PASK: variants seen among roughly 807,000 people sequenced by gnomAD.
PASK encodes the protein PAS domain containing serine/threonine kinase.
A neutral mutation model predicts 121.0 loss-of-function variants in PASK; 110 were observed. The ratio of observed to expected loss-of-function variants is 0.91; its 90% CI spans 0.78 to 1.06. The LOEUF (loss-of-function observed/expected upper bound fraction) is 1.06, where lower values mean the gene tolerates loss of function less well. PASK is among the 50% of genes least tolerant of loss of function. The probability of loss-of-function intolerance (pLI) is 0.00; values close to 1 mark genes in which losing one functional copy is unlikely to be tolerated. For synonymous variants in PASK, 686 were observed against 717.8 expected, an observed-to-expected ratio of 0.96 and a Z score of 0.71; for missense variants, 1,643 against 1,702.3, an observed-to-expected ratio of 0.97 and a Z score of 0.61.
intron 15 of PASK, among the ~76,000 whole-genome samples, chr2:241,110,105 A>G (rs1044143053): frequency 6.6e-6 from 1 of 152,254 alleles, no homozygotes; most frequent in Non-Finnish European, 1.5e-5. Flanking sequence ...TATCCAGAAA[A>G]CGCAATCAAA....
rs577891875 is a variant in PASK, at chr2:241,138,137, G to A, written c.742-50C>T. 4.1e-5 allele frequency: 66 copies of A among 1,602,288 alleles called. 1 individual carries two copies. The South Asian group carries it at 7.0e-4, about 17-fold the overall frequency. The stretch of plus-strand genomic sequence containing the variant: ...CATAAAAGCTTCTTGTGCTCCAGCT[G>A]TAAATTTAACTAAGCTTCAATATGT... On this transcript the variant is annotated intron_variant, in intron 5 of 17. Coordinates refer to ENST00000234040, the MANE Select transcript of PASK (RefSeq NM_015148.4).
At chr2:241,129,002 TCTCC>T (rs1215901556) in intron 9 of PASK, among the ~76,000 whole-genome samples, 2 of 117,868 alleles carry the variant, frequency 1.7e-5, no homozygotes, top group African/African-American at 3.1e-5. Context: ...TGCCTGCCTC[TCTCC>T]CTCCATGTCT....
At chr2:241,124,278 C>G (rs2065754570) in intron 10 of PASK, 145 bp from the exon 11 acceptor site, 2 of 720,706 alleles carry the variant, frequency 2.8e-6, no homozygotes, top group Non-Finnish European at 2.4e-6. Flanking sequence ...AGAACACAGA[C>G]CAGAGAGCAG....
At chr2:241,130,212 G>A (rs969082328) in intron 9 of PASK, among the ~76,000 whole-genome samples, 5 of 152,198 alleles carry the variant, frequency 3.3e-5, no homozygotes, top group Admixed American at 2.0e-4. Context: ...ATAAGCGAAC[G>A]AGTGAGTGAA....
chr2:241,117,173 G>A (rs1448243904), intron 12 of PASK, among the ~76,000 whole-genome samples: 1 of 152,222 alleles, frequency 6.6e-6, no homozygotes, highest in Non-Finnish European at 1.5e-5. Context: ...GCAACATCCA[G>A]GCCTCTCACC....
chr2:241,139,864 G>A lies in PASK; in HGVS notation c.600+21C>T, dbSNP rs77817979. 2,207 of 1,612,466 alleles carry A rather than the reference G, an allele frequency of 1.4e-3. 1 individual carries two copies. Among genetic ancestry groups the A allele is most frequent in the Non-Finnish European group, 1.6e-3 (1,895 of 1,178,810 alleles). ...TGCTGGTCTTGAGGCCAGACTGAAC[G>A]CTGCACCCGCATCCACTCACCACCG... On this transcript the variant is annotated intron_variant, in intron 4 of 17. Transcript: ENST00000234040.
upstream of PASK, chr2:241,150,283 C>T (rs1575371268): frequency 3.8e-6 from 5 of 1,318,616 alleles, no homozygotes; most frequent in East Asian, 1.2e-4. Flanking sequence ...ACTGTTCCGG[C>T]TCCGCCGCCT....
intron 16 of PASK, 142 bp from the exon 17 acceptor site, chr2:241,107,641 C>A: frequency 2.6e-6 from 2 of 769,602 alleles, no homozygotes; most frequent in Non-Finnish European, 4.6e-6. Flanking sequence ...CAGGGCCCAG[C>A]TGTGCTTGGA....
Position 241,137,008 on chromosome 2 carries a change from C to T in PASK, c.1133G>A (p.Gly378Asp). The T allele has an allele frequency of 6.2e-7, 1 of 1,612,814 alleles. No homozygotes were observed. The highest frequency in any genetic ancestry group is 8.5e-7 in the Non-Finnish European group (1 of 1,179,896). Residue 378 changes from glycine to aspartate, a missense_variant, in exon 7 of 18, where the codon GGC (glycine) becomes GAC (aspartate). Transcript: ENST00000234040. ...LFGYGKTELL[G>D]KNITFLIPGF... ...AGGCGCCCAGGGCAGCCCCACCTTGCCCAGGAGCTCCGTCTTTCCGTAACC... is the reference window on the plus strand; with the variant it reads ...AGGCGCCCAGGGCAGCCCCACCTTGTCCAGGAGCTCCGTCTTTCCGTAACC...
In PASK at chr2:241,115,428, G is replaced by A. The variant is rs771466312; in HGVS notation, c.3073-15C>T. 4.2e-5 allele frequency: 68 copies of A among 1,613,688 alleles called. No individual in the cohort carries two copies. Among genetic ancestry groups the A allele is most frequent in the Non-Finnish European group, 5.7e-5 (67 of 1,179,762 alleles). On this transcript the variant is annotated splice_polypyrimidine_tract_variant and intron_variant, in intron 12 of 17. Coordinates refer to ENST00000234040, the MANE Select transcript of PASK (RefSeq NM_015148.4). ...TTCACCACCACCTGTGAGGAAGACA[G>A]AGCGTAGTGGAAATAGCTGGAGCCA...
Position 241,106,463 on chromosome 2 carries a change from G to A in PASK, c.*103C>T, listed in dbSNP as rs1214679242. ...AAACCTGCACATGAGTTTTTAGAAG[G>A]TGAATTGGGGATGCTTCAGAATGTA... On this transcript the variant is annotated 3_prime_UTR_variant, in exon 18 of 18. Transcript: ENST00000234040. 3 of 1,186,470 alleles carry A rather than the reference G, an allele frequency of 2.5e-6. No individual in the cohort carries two copies. In the African/African-American group the frequency reaches 4.5e-5, roughly 18 times the overall value. The allele number at this position is 1,186,470 out of a possible 1,614,324, so 73.5% of individuals were successfully genotyped here. A position where few individuals can be genotyped will look rare whatever the true frequency, so the allele number is the denominator to read the frequency against.
Position 241,112,205 on chromosome 2 carries a change from C to G in PASK, c.3533+35G>C. On this transcript the variant is annotated intron_variant, in intron 15 of 17. Transcript: ENST00000234040. This position sits in a 1 kb window ranked among gnomAD's most constrained non-coding sequence, Gnocchi z 5.2. ...CCACCCTCAGGGTCCTGACAGAGGA[C>G]ACGAGGACGGGCCGCACCGCAGCCG... 1 of 1,538,288 alleles carries G rather than the reference C, an allele frequency of 6.5e-7. No individual in the cohort carries two copies. The highest frequency in any genetic ancestry group is 9.0e-7 in the Non-Finnish European group (1 of 1,111,076).
rs202126847 is a variant in PASK, at chr2:241,129,868, AC to A, written c.1464-2418del. ...TCCAGTGGGGAAGCACCAGGACCTG[AC>A]CCCCGTGGAGACCCGAGACCCCCAC... On this transcript the variant is annotated intron_variant, in intron 9 of 17. Coordinates refer to ENST00000234040, the MANE Select transcript of PASK (RefSeq NM_015148.4). Among the ~76,000 whole-genome samples the A allele has an allele frequency of 3.0e-3, 459 of 150,976 alleles. 1 individual carries two copies. Among genetic ancestry groups the A allele is most frequent in the African/African-American group, 0.01 (420 of 41,080 alleles).
chr2:241,150,042 G>T, upstream of PASK: 2 of 1,370,440 alleles, frequency 1.5e-6, no homozygotes, highest in Non-Finnish European at 1.9e-6. Flanking sequence ...AGCGAGGCTC[G>T]CAGAGGTCAG....
In PASK at chr2:241,112,052, A is replaced by G. The variant is rs189060340; in HGVS notation, c.3533+188T>C. Among the ~76,000 whole-genome samples, 402 of 152,160 alleles carry G rather than the reference A, an allele frequency of 2.6e-3. No homozygotes were observed. Among genetic ancestry groups the G allele is most frequent in the Non-Finnish European group, 4.4e-3 (296 of 68,010 alleles). On this transcript the variant is annotated intron_variant, in intron 15 of 17. Coordinates refer to ENST00000234040, the MANE Select transcript of PASK (RefSeq NM_015148.4). This position sits in a 1 kb window ranked among gnomAD's most constrained non-coding sequence, Gnocchi z 5.2. ...AATAAAATTATTAACTCCTATATCC[A>G]TCGCCCAGTGCCTTTGCCCAATATG...
intron 12 of PASK, among the ~76,000 whole-genome samples, chr2:241,116,831 G>A (rs988951356): frequency 6.6e-6 from 1 of 152,248 alleles, no homozygotes; most frequent in Non-Finnish European, 1.5e-5. Context: ...CCACAGGATG[G>A]GCCTGTTCAG....
At chr2:241,106,989 C>G (rs1340852070) in intron 17 of PASK, among the ~76,000 whole-genome samples, 1 of 152,224 alleles carries the variant, frequency 6.6e-6, no homozygotes, top group African/African-American at 2.4e-5. Flanking sequence ...CCGCCGGCTG[C>G]TAGAGAATCA....
chr2:241,128,024 A>G (rs2065958471), intron 9 of PASK, among the ~76,000 whole-genome samples: 1 of 152,268 alleles, frequency 6.6e-6, no homozygotes. Context: ...TCACGCCTGT[A>G]ATCCCAGCAC....
Position 241,126,332 on chromosome 2 carries a change from T to C in PASK, c.2583A>G (p.Ser861=), listed in dbSNP as rs2065862109. 6.2e-7 allele frequency: 1 copy of C among 1,614,230 alleles called. No individual in the cohort carries two copies. ...GGACGTTCAGCCTTGGCTCCTCTGC[T>C]GATGGGCACGTGTCCTCAGGGCCAG... is the stretch of plus-strand genomic sequence containing the variant. The part of the protein sequence containing the change: ...LDAGPEDTCP[S]AEEPRLNVQV... Residue 861 remains serine (S), a synonymous_variant, in exon 10 of 18, where the codon TCA becomes TCG. Transcript: ENST00000234040.
Sources: gnomAD v4.1 joint callset for allele counts (sites outside exome capture counted in the v4.1 genomes callset) on GRCh38, gnomAD v4.1.1 for gene constraint, Gnocchi (gnomAD v3.1) non-coding constraint, MANE v1.5 for transcripts, NCBI Gene and HGNC (gene_info 2026-07-23, HGNC 2026-07-21) for gene names.